The following RNF180 variants were observed in gnomAD, a reference collection of about 807,000 sequenced individuals.
RNF180 encodes ring finger protein 180, also known as E3 ubiquitin-protein ligase RNF180.
RNF180 carries 38 observed loss-of-function variants against 59.2 expected under a neutral mutation model. That is an observed-to-expected ratio of 0.64 (90% confidence interval 0.50 to 0.84). The LOEUF is 0.84. RNF180 is among the 40% of genes least tolerant of loss of function. The pLI is 0.00. For missense variants in RNF180, 705 were observed against 700.9 expected (o/e 1.01, Z -0.07); for synonymous variants, 262 against 240.3 (o/e 1.09, Z -0.84).
At chr5:64,261,185 A>G (rs965057198) in intron 5 of RNF180, among the ~76,000 whole-genome samples, 7 of 152,212 alleles carry the variant, frequency 4.6e-5, no homozygotes, top group African/African-American at 1.4e-4. Context: ...TACGTACAAC[A>G]TCAGCCTTGG....
intron 5 of RNF180, among the ~76,000 whole-genome samples, chr5:64,250,201 T>C (rs980678671): frequency 6.6e-6 from 1 of 152,152 alleles, no homozygotes; most frequent in Non-Finnish European, 1.5e-5. Flanking sequence ...TTAAACAATG[T>C]GCTCCTGAAC....
chr5:64,325,515 A>G, intron 6 of RNF180, 104 bp downstream of exon 6: 1 of 816,952 alleles, frequency 1.2e-6, no homozygotes, highest in Non-Finnish European at 2.0e-6. Context: ...CATATACCAT[A>G]ATTTGTTATT....
chr5:64,355,801 T>C (rs1427744883), intron 7 of RNF180, among the ~76,000 whole-genome samples: 1 of 151,938 alleles, frequency 6.6e-6, no homozygotes, highest in Non-Finnish European at 1.5e-5. Context: ...TGGGAAAGAA[T>C]AGTCTCTTTG....
intron 1 of RNF180, 85 bp from the exon 2 acceptor site, chr5:64,200,723 T>C (rs763608170): frequency 1.7e-6 from 2 of 1,165,322 alleles, no homozygotes; most frequent in African/African-American, 3.1e-5. Context: ...TACTGTCCAC[T>C]TGTAGCTAAT....
intron 7 of RNF180, among the ~76,000 whole-genome samples, chr5:64,330,951 G>C (rs1369883306): frequency 1.3e-5 from 2 of 152,206 alleles, no homozygotes; most frequent in African/African-American, 4.8e-5. Flanking sequence ...AAGCCCCCTT[G>C]CCCCTGCAGG....
At position 64,330,410 on chromosome 5, in the gene RNF180, A is replaced by C. The variant is rs1744849405; in HGVS notation, c.1579+4A>C. Reference sequence around the variant, plus strand: ...AAAGCATTTCATCTTTTTGGAGGTAAGGAAATCTAACGCCAAAAAAAAAGT... The same window carrying C: ...AAAGCATTTCATCTTTTTGGAGGTACGGAAATCTAACGCCAAAAAAAAAGT... On this transcript the variant is annotated splice_donor_region_variant and intron_variant, in intron 7 of 7. Coordinates refer to ENST00000389100, the MANE Select transcript of RNF180 (RefSeq NM_001113561.2). 6.5e-7 allele frequency: 1 copy of C among 1,531,442 alleles called. No homozygotes were observed. The highest frequency in any genetic ancestry group is 2.3e-5 in the Admixed American group (1 of 43,778). 94.9% of individuals were successfully genotyped at this position (1,531,442 alleles called of 1,614,324 possible). A position where few individuals can be genotyped will look rare whatever the true frequency, so the allele number is the denominator to read the frequency against.
intron 7 of RNF180, among the ~76,000 whole-genome samples, chr5:64,365,380 A>G (rs980376607): frequency 1.3e-5 from 2 of 151,484 alleles, no homozygotes; most frequent in Non-Finnish European, 3.0e-5. Flanking sequence ...GGATGTTTTG[A>G]TTTCAGTTTT....
Position 64,182,928 on chromosome 5 carries a change from A to G in RNF180, c.-1+16975A>G, listed in dbSNP as rs143852915. 3.9e-5 allele frequency among the ~76,000 whole-genome samples: 6 copies of G among 152,192 alleles called. No individual in the cohort carries two copies. In the East Asian group the frequency reaches 7.7e-4, roughly 20 times the overall value. On this transcript the variant is annotated intron_variant, in intron 1 of 7. Coordinates refer to ENST00000389100, the MANE Select transcript of RNF180 (RefSeq NM_001113561.2). Reference sequence around the variant, plus strand: ...CGATGTCACGTAAAAGGTGATCAAGACTGAATATAGATCTTGACATTCCAT... The same window carrying G: ...CGATGTCACGTAAAAGGTGATCAAGGCTGAATATAGATCTTGACATTCCAT...
intron 5 of RNF180, among the ~76,000 whole-genome samples, chr5:64,269,323 G>A (rs1297527002): frequency 6.6e-6 from 1 of 152,026 alleles, no homozygotes; most frequent in Non-Finnish European, 1.5e-5. Flanking sequence ...CTGCAGCCTC[G>A]AACTCCTGGG....
At chr5:64,208,371 A>G (rs977488669) in intron 2 of RNF180, among the ~76,000 whole-genome samples, 36 of 151,996 alleles carry the variant, frequency 2.4e-4, no homozygotes, top group African/African-American at 8.7e-4. Context: ...TTTTCAGTCA[A>G]ATTTTTCCCG....
chr5:64,192,933 ATATAT>A (rs1198836403), intron 1 of RNF180, among the ~76,000 whole-genome samples: 71 of 140,432 alleles, frequency 5.1e-4, no homozygotes, highest in Non-Finnish European at 1.7e-4. Context: ...ATATATATAT[ATATAT>A]AAAATGAAAC....
At chr5:64,309,783 AC>A (rs892738121) in intron 5 of RNF180, among the ~76,000 whole-genome samples, 1 of 151,508 alleles carries the variant, frequency 6.6e-6, no homozygotes, top group African/African-American at 2.4e-5. Flanking sequence ...AAATTCAGCA[AC>A]CACTCAAACC....
chr5:64,260,011 G>A lies in RNF180; in HGVS notation c.1227+42615G>A, dbSNP rs77560754. On this transcript the variant is annotated intron_variant, in intron 5 of 7. Coordinates refer to ENST00000389100, the MANE Select transcript of RNF180 (RefSeq NM_001113561.2). ...TCCTAATCATCCTAGCACCAAAAAA[G>A]CAATTATTATTATTTTAGGATGTCC... is the stretch of plus-strand genomic sequence containing the variant. Among the ~76,000 whole-genome samples the A allele has an allele frequency of 8.6e-4, 130 of 152,030 alleles. 1 individual carries two copies. Among genetic ancestry groups the A allele is most frequent in the African/African-American group, 3.0e-3 (124 of 41,498 alleles).
At chr5:64,255,451 A>T (rs1043134361) in intron 5 of RNF180, among the ~76,000 whole-genome samples, 1 of 151,938 alleles carries the variant, frequency 6.6e-6, no homozygotes, top group African/African-American at 2.4e-5. Flanking sequence ...CATGTGGTGT[A>T]TGGTTTTTTG....
At chr5:64,299,407 C>T (rs917806883) in intron 5 of RNF180, among the ~76,000 whole-genome samples, 3 of 151,840 alleles carry the variant, frequency 2.0e-5, no homozygotes, top group African/African-American at 7.3e-5. Context: ...CAAATAGACA[C>T]CAGTTAAACA....
intron 5 of RNF180, among the ~76,000 whole-genome samples, chr5:64,232,615 T>C (rs374524545): frequency 2.0e-5 from 3 of 152,174 alleles, no homozygotes; most frequent in East Asian, 1.9e-4. Context: ...AAGATTGATA[T>C]TGAAGAATGA....
intron 2 of RNF180, among the ~76,000 whole-genome samples, chr5:64,207,933 A>G (rs1431053209): frequency 6.6e-6 from 1 of 152,114 alleles, no homozygotes; most frequent in African/African-American, 2.4e-5. Flanking sequence ...GAATTAGCTG[A>G]AGGAATGTTA....
At chr5:64,172,158 C>T (rs560030686) in intron 1 of RNF180, among the ~76,000 whole-genome samples, 1 of 152,310 alleles carries the variant, frequency 6.6e-6, no homozygotes, top group Admixed American at 6.5e-5. Context: ...GTTTCAAAAT[C>T]ACAAACCACT....
At chr5:64,339,266 G>T (rs1745261986) in intron 7 of RNF180, among the ~76,000 whole-genome samples, 1 of 151,114 alleles carries the variant, frequency 6.6e-6, no homozygotes, top group African/African-American at 2.4e-5. Flanking sequence ...TACTGTCTTT[G>T]GATTTATTTT....
Sources: gnomAD v4.1 joint callset for allele counts (sites outside exome capture counted in the v4.1 genomes callset) on GRCh38, gnomAD v4.1.1 for gene constraint, MANE v1.5 for transcripts, NCBI Gene and HGNC (gene_info 2026-07-23, HGNC 2026-07-21) for gene names.